Variants in MAL2 observed in about 807,000 individuals in gnomAD.
MAL2 encodes mal, T cell differentiation protein 2.
MAL2 carries 17 observed loss-of-function variants against 18.1 expected under a neutral mutation model. The ratio of observed to expected loss-of-function variants is 0.94; its 90% CI spans 0.64 to 1.41. MAL2 has a LOEUF of 1.41. MAL2 is among the 40% of genes most tolerant of loss of function. The probability of loss-of-function intolerance (pLI) is 0.00; values close to 1 mark genes in which losing one functional copy is unlikely to be tolerated. For missense variants in MAL2, 222 were observed against 231.9 expected (o/e 0.96, Z 0.28); for synonymous variants, 102 against 102.3 (o/e 1.00, Z 0.02).
At chr8:119,227,588 A>C (rs780325827) in intron 2 of MAL2, among the ~76,000 whole-genome samples, 9 of 152,166 alleles carry the variant, frequency 5.9e-5, no homozygotes, top group Non-Finnish European at 1.3e-4. Flanking sequence ...TCGCAAATCC[A>C]CTGAAGCTGG....
At chr8:119,232,218 C>CTCAATTAAAATAATTTTT (rs1364676499) in intron 2 of MAL2, among the ~76,000 whole-genome samples, 2 of 150,602 alleles carry the variant, frequency 1.3e-5, no homozygotes, top group Admixed American at 1.3e-4. Flanking sequence ...ATGTATTTTT[C>CTCAATTAAAATAATTTTT]TCAATTAAAA....
intron 2 of MAL2, among the ~76,000 whole-genome samples, chr8:119,235,541 C>A (rs576568183): frequency 1.1e-4 from 9 of 79,882 alleles, no homozygotes; most frequent in African/African-American, 2.5e-4. Flanking sequence ...TTAAGGGCAG[C>A]CAGAGAGAAA....
intron 1 of MAL2, 145 bp from the exon 2 acceptor site, chr8:119,221,442 A>G (rs1817462327): frequency 1.1e-6 from 1 of 948,086 alleles, no homozygotes; most frequent in Non-Finnish European, 1.6e-6. Context: ...AATAAGGGGA[A>G]AATCGAAGGG....
chr8:119,219,714 G>T (rs775574639), intron 1 of MAL2, among the ~76,000 whole-genome samples: 1 of 151,906 alleles, frequency 6.6e-6, no homozygotes, highest in Non-Finnish European at 1.5e-5. Flanking sequence ...AAATGGCTTG[G>T]GATGCAGAGA....
At chr8:119,239,512 A>G (rs1215312076) in intron 2 of MAL2, among the ~76,000 whole-genome samples, 1 of 152,048 alleles carries the variant, frequency 6.6e-6, no homozygotes, top group African/African-American at 2.4e-5. Context: ...AAAGACTTGG[A>G]ACCAACCCAA....
chr8:119,213,645 C>A (rs1458752258), intron 1 of MAL2, among the ~76,000 whole-genome samples: 1 of 151,858 alleles, frequency 6.6e-6, no homozygotes, highest in African/African-American at 2.4e-5. Context: ...ATGGTGAAAC[C>A]CCCATCTCTA....
intron 2 of MAL2, among the ~76,000 whole-genome samples, chr8:119,230,204 G>A (rs1817687700): frequency 6.6e-6 from 1 of 152,118 alleles, no homozygotes; most frequent in Non-Finnish European, 1.5e-5. Flanking sequence ...TTTTCACATT[G>A]GCATTGCCAT....
chr8:119,241,067 TTTA>T (rs1459831242), intron 3 of MAL2, among the ~76,000 whole-genome samples: 2 of 152,164 alleles, frequency 1.3e-5, no homozygotes, highest in Admixed American at 1.3e-4. Context: ...ACCCTAATGT[TTTA>T]TTATGTTCCC....
chr8:119,234,614 G>C (rs1490938176), intron 2 of MAL2, among the ~76,000 whole-genome samples: 1 of 151,950 alleles, frequency 6.6e-6, no homozygotes, highest in African/African-American at 2.4e-5. Flanking sequence ...GAACATCTGA[G>C]ACCTGGCAGA....
In MAL2 at chr8:119,240,314, A is replaced by C; in HGVS notation, c.453A>C (p.Ala151=). 3 of 1,613,382 alleles carry C rather than the reference A, an allele frequency of 1.9e-6. No homozygotes were observed. Among genetic ancestry groups the C allele is most frequent in the Non-Finnish European group, 1.7e-6 (2 of 1,179,600 alleles). ...ATAACCAGTATAACATAAACGTAGC[A>C]GCCTCAGTAAGTATTCATATTCAAT... ...LSDNQYNINV[A]ASIFAFMTTA... Residue 151 remains alanine, a synonymous_variant, in exon 3 of 4, where the codon GCA becomes GCC. Coordinates refer to ENST00000614891, the MANE Select transcript of MAL2 (RefSeq NM_052886.3).
At chr8:119,232,743 A>ATTTAAATGCTATTTTACTTGAAT (rs543762283) in intron 2 of MAL2, among the ~76,000 whole-genome samples, 2 of 152,340 alleles carry the variant, frequency 1.3e-5, no homozygotes, top group East Asian at 3.9e-4. Flanking sequence ...AAAAGATGTT[A>ATTTAAATGCTATTTTACTTGAAT]TTTAAATGCT....
intron 2 of MAL2, among the ~76,000 whole-genome samples, chr8:119,232,502 T>G (rs1481557759): frequency 6.6e-6 from 1 of 152,176 alleles, no homozygotes; most frequent in Admixed American, 6.5e-5. Flanking sequence ...TGAACTGTAA[T>G]AGTGTTATGC....
Position 119,220,468 on chromosome 8 carries a change from C to A in MAL2, c.133-1119C>A, listed in dbSNP as rs1477916161. Among the ~76,000 whole-genome samples the A allele has an allele frequency of 4.6e-5, 7 of 152,292 alleles. No individual in the cohort carries two copies. The East Asian group carries it at 9.7e-4, about 21-fold the overall frequency. On this transcript the variant is annotated intron_variant, in intron 1 of 3. Transcript: ENST00000614891. ...CCCTTTCCTCCCCAGTCCATTCTCA[C>A]ATTCTAGCCAGAGAGAAATTTCTAA...
intron 1 of MAL2, among the ~76,000 whole-genome samples, chr8:119,210,717 T>C (rs1428745811): frequency 6.6e-6 from 1 of 152,206 alleles, no homozygotes; most frequent in Non-Finnish European, 1.5e-5. Context: ...AATCCTCTTA[T>C]CTCATTTCCT....
At chr8:119,226,739 C>G (rs939468128) in intron 2 of MAL2, among the ~76,000 whole-genome samples, 1 of 152,186 alleles carries the variant, frequency 6.6e-6, no homozygotes, top group Non-Finnish European at 1.5e-5. Flanking sequence ...GCCAGAAGAG[C>G]AGCAGCATCT....
At chr8:119,221,867 C>A in intron 2 of MAL2, 110 bp downstream of exon 2, 2 of 1,168,278 alleles carry the variant, frequency 1.7e-6, no homozygotes, top group Non-Finnish European at 2.4e-6. Flanking sequence ...GGGAGAGAAG[C>A]GGTCCAACCA....
At chr8:119,215,392 T>C (rs892611197) in intron 1 of MAL2, 2 of 152,156 alleles carry the variant, frequency 1.3e-5, no homozygotes, top group African/African-American at 4.8e-5. Context: ...CACATGCCGG[T>C]TGGTTTCCAT....
In MAL2 at chr8:119,240,096, CATT is replaced by C. The variant is rs1818014596; in HGVS notation, c.304-65_304-63del. ...TTTTGATCTTGCTAAACCTAAACTT[CATT>C]ATTTAAAATAAGGAACAGAAAAATA... On this transcript the variant is annotated intron_variant, in intron 2 of 3. Transcript: ENST00000614891. The C allele has an allele frequency of 2.7e-6, 4 of 1,496,378 alleles. No homozygotes were observed. The Admixed American group carries it at 7.3e-5, about 27-fold the overall frequency. The allele number at this position is 1,496,378 out of a possible 1,614,324, so 92.7% of individuals were successfully genotyped here.
intron 1 of MAL2, among the ~76,000 whole-genome samples, chr8:119,214,197 G>T (rs1367934926): frequency 6.6e-6 from 1 of 152,196 alleles, no homozygotes; most frequent in Non-Finnish European, 1.5e-5. Flanking sequence ...AATGCTACTT[G>T]TTTGTTCTAT....
Sources: allele counts gnomAD v4.1 joint callset (sites outside exome capture counted in the v4.1 genomes callset), GRCh38; gene constraint gnomAD v4.1.1; transcripts MANE v1.5; gene names NCBI Gene and HGNC (gene_info 2026-07-23, HGNC 2026-07-21).